The following DLG2 variants were observed in gnomAD, a reference collection of about 807,000 sequenced individuals.
The protein encoded by DLG2 is discs large MAGUK scaffold protein 2.
Under a neutral mutation model 132.5 loss-of-function variants are expected in DLG2, and 45 were observed. The ratio of observed to expected loss-of-function variants is 0.34; its 90% CI spans 0.27 to 0.44. The LOEUF is 0.44. DLG2 is among the 20% of genes least tolerant of loss of function. The pLI is 1.00. For synonymous variants in DLG2, 424 were observed against 419.6 expected (o/e 1.01, Z -0.13); for missense variants, 1,045 against 1,196.9 (o/e 0.87, Z 1.87).
chr11:83,712,915 T>C (rs1402293940), intron 18 of DLG2, among the ~76,000 whole-genome samples: 2 of 151,782 alleles, frequency 1.3e-5, no homozygotes, highest in Non-Finnish European at 2.9e-5. Flanking sequence ...GTGGCACAAG[T>C]TTACCTATGT....
At chr11:85,388,593 A>C (rs1332865528) in intron 3 of DLG2, among the ~76,000 whole-genome samples, 1 of 152,134 alleles carries the variant, frequency 6.6e-6, no homozygotes, top group Admixed American at 6.5e-5. Context: ...TACAGAGAAC[A>C]CTTCACTCCC....
At chr11:83,668,817 A>AT (rs1311096727) in intron 18 of DLG2, among the ~76,000 whole-genome samples, 2 of 82,040 alleles carry the variant, frequency 2.4e-5, no homozygotes, top group Non-Finnish European at 4.6e-5. Context: ...ATGTGTATAT[A>AT]AACATATATA....
At chr11:84,722,455 T>A (rs1420392692) in intron 6 of DLG2, among the ~76,000 whole-genome samples, 1 of 152,172 alleles carries the variant, frequency 6.6e-6, no homozygotes, top group African/African-American at 2.4e-5. Context: ...TCAAAGACAG[T>A]GCCTTATAAC....
intron 7 of DLG2, among the ~76,000 whole-genome samples, chr11:84,428,173 A>T (rs2098973060): frequency 6.6e-6 from 1 of 152,192 alleles, no homozygotes; most frequent in African/African-American, 2.4e-5. Flanking sequence ...TCTCCTTTTT[A>T]AAAAATATAT....
chr11:83,909,776 C>T (rs999626871), intron 15 of DLG2, among the ~76,000 whole-genome samples: 1 of 152,068 alleles, frequency 6.6e-6, no homozygotes, highest in African/African-American at 2.4e-5. Flanking sequence ...GGACTTTGAT[C>T]CCTGGAGACA....
intron 4 of DLG2, among the ~76,000 whole-genome samples, chr11:85,238,382 T>A (rs1182683444): frequency 2.6e-5 from 4 of 151,824 alleles, no homozygotes; most frequent in Non-Finnish European, 5.9e-5. Flanking sequence ...TAGCTGGGAC[T>A]ACAGGCGTGC....
At chr11:84,253,586 C>T (rs1386321579) in intron 7 of DLG2, among the ~76,000 whole-genome samples, 1 of 152,004 alleles carries the variant, frequency 6.6e-6, no homozygotes, top group Non-Finnish European at 1.5e-5. Flanking sequence ...TAATAAGAGG[C>T]CTGTTTAGAT....
intron 16 of DLG2, among the ~76,000 whole-genome samples, chr11:83,840,645 T>A (rs2057333477): frequency 6.6e-6 from 1 of 152,204 alleles, no homozygotes; most frequent in African/African-American, 2.4e-5. Context: ...AAGCCAAGAA[T>A]CTAGATATTT....
chr11:84,080,963 A>G (rs540389968), intron 10 of DLG2, among the ~76,000 whole-genome samples: 2 of 151,032 alleles, frequency 1.3e-5, no homozygotes, highest in African/African-American at 2.4e-5. Context: ...TTGCACTCCA[A>G]CCTGCACGAC....
chr11:85,436,860 T>C (rs1437546303), intron 3 of DLG2, among the ~76,000 whole-genome samples: 1 of 152,234 alleles, frequency 6.6e-6, no homozygotes, highest in Non-Finnish European at 1.5e-5. Context: ...CATATGTTTG[T>C]TGCAGCACTG....
intron 19 of DLG2, among the ~76,000 whole-genome samples, chr11:83,586,397 T>G (rs2097087308): frequency 6.6e-6 from 1 of 152,232 alleles, no homozygotes; most frequent in Non-Finnish European, 1.5e-5. Flanking sequence ...ACTTACCAGC[T>G]AGGTGACTGG....
intron 6 of DLG2, among the ~76,000 whole-genome samples, chr11:85,028,294 A>G (rs1309228411): frequency 1.3e-5 from 2 of 152,132 alleles, no homozygotes; most frequent in African/African-American, 4.8e-5. Context: ...GGATTGGTCC[A>G]TGGGCAGCCA....
chr11:84,310,405 T>TTA (rs2098274478), intron 7 of DLG2, among the ~76,000 whole-genome samples: 3 of 152,180 alleles, frequency 2.0e-5, no homozygotes, highest in Admixed American at 1.3e-4. Flanking sequence ...AAATGACTAA[T>TTA]GTCATTTCCT....
intron 5 of DLG2, among the ~76,000 whole-genome samples, chr11:85,146,961 C>G (rs575929080): frequency 6.6e-6 from 1 of 152,140 alleles, no homozygotes; most frequent in South Asian, 2.1e-4. Context: ...CTGTGGACAC[C>G]GGTGGAATTT....
At chr11:84,078,247 T>C (rs531401172) in intron 10 of DLG2, among the ~76,000 whole-genome samples, 5 of 152,318 alleles carry the variant, frequency 3.3e-5, no homozygotes, top group African/African-American at 1.2e-4. Flanking sequence ...ATCTTGTTCA[T>C]ATAAACAGGT....
chr11:84,629,645 G>A (rs1454474118), intron 6 of DLG2, among the ~76,000 whole-genome samples: 1 of 152,160 alleles, frequency 6.6e-6, no homozygotes, highest in Non-Finnish European at 1.5e-5. Context: ...TTTCAGAAGA[G>A]ATACCTGGCC....
At chr11:83,795,709 A>T (rs1248964160) in intron 17 of DLG2, among the ~76,000 whole-genome samples, 1 of 152,074 alleles carries the variant, frequency 6.6e-6, no homozygotes, top group Non-Finnish European at 1.5e-5. Context: ...AGGGGCATTT[A>T]TTCCTTGAAT....
At chr11:84,505,244 A>G (rs1386512396) in intron 7 of DLG2, among the ~76,000 whole-genome samples, 1 of 152,166 alleles carries the variant, frequency 6.6e-6, no homozygotes, top group Non-Finnish European at 1.5e-5. Flanking sequence ...ATAATATAAT[A>G]AGTGAAATGT....
At chr11:83,906,412 G>T (rs1222766683) in intron 15 of DLG2, among the ~76,000 whole-genome samples, 4 of 151,632 alleles carry the variant, frequency 2.6e-5, no homozygotes. Flanking sequence ...ACATAGTTCG[G>T]GAGATAGGGG....
Sources: allele counts gnomAD v4.1 joint callset (sites outside exome capture counted in the v4.1 genomes callset), GRCh38; gene constraint gnomAD v4.1.1; transcripts MANE v1.5; gene names NCBI Gene and HGNC (gene_info 2026-07-23, HGNC 2026-07-21).